KLHL29: variants seen among roughly 807,000 people sequenced by gnomAD.
The protein encoded by KLHL29 is kelch like family member 29, also known as kelch-like protein 29.
A neutral mutation model predicts 80.4 loss-of-function variants in KLHL29; 21 were observed. The observed-to-expected ratio is 0.26, with a 90% confidence interval of 0.19 to 0.38. The LOEUF (loss-of-function observed/expected upper bound fraction) is 0.38, where lower values mean the gene tolerates loss of function less well. KLHL29 is among the 10% of genes least tolerant of loss of function. KLHL29 has a pLI of 1.00. For missense variants in KLHL29, 867 were observed against 1,223.9 expected (o/e 0.71, Z 4.35); for synonymous variants, 511 against 526.8 (o/e 0.97, Z 0.41).
chr2:23,629,399 T>C (rs1307040149), intron 3 of KLHL29, among the ~76,000 whole-genome samples: 1 of 152,178 alleles, frequency 6.6e-6, no homozygotes, highest in Non-Finnish European at 1.5e-5. Flanking sequence ...GTGATCTTAT[T>C]TCAAAGCCCC....
chr2:23,535,402 G>C (rs1238661635), intron 2 of KLHL29, among the ~76,000 whole-genome samples: 1 of 152,254 alleles, frequency 6.6e-6, no homozygotes, highest in African/African-American at 2.4e-5. Context: ...CACAGGAGAA[G>C]AGAAGATTAA....
At chr2:23,649,803 G>C (rs754337107) in intron 5 of KLHL29, among the ~76,000 whole-genome samples, 1 of 152,226 alleles carries the variant, frequency 6.6e-6, no homozygotes, top group Non-Finnish European at 1.5e-5. Flanking sequence ...GTGCTGACCC[G>C]TGGCAGGAAG....
intron 5 of KLHL29, among the ~76,000 whole-genome samples, chr2:23,679,824 G>C (rs557017501): frequency 6.6e-6 from 1 of 152,200 alleles, no homozygotes; most frequent in Non-Finnish European, 1.5e-5. Context: ...AGAGGCCCAG[G>C]ACAAAATAAC....
intron 3 of KLHL29, among the ~76,000 whole-genome samples, chr2:23,636,894 C>G (rs1055479724): frequency 1.2e-4 from 18 of 152,160 alleles, no homozygotes; most frequent in Admixed American, 1.2e-3. Context: ...CTCCTGGAGG[C>G]AGGGGCTGCT....
chr2:23,684,438 C>T lies in KLHL29; in HGVS notation c.980C>T (p.Ala327Val), dbSNP rs749071317. Residue 327 changes from alanine to valine, a missense_variant, in exon 6 of 14, where the codon GCG (alanine) becomes GTG (valine). Physicochemically the swap from Ala to Val is moderately conservative, Grantham distance 64. Around this residue, in one of 2 missense-constraint regions of KLHL29, gnomAD observed 443 missense variants for 767.0 expected, o/e 0.58. Transcript: ENST00000486442. The surrounding 1 kb of genome is among the most constrained non-coding windows in gnomAD (Gnocchi z 4.4). Reference sequence around the variant, plus strand: ...TTGAACCAGCAACGCAGAGCGAAAGCGTTTACAGACCTGAAAATTGTTGTT... The same window carrying T: ...TTGAACCAGCAACGCAGAGCGAAAGTGTTTACAGACCTGAAAATTGTTGTT... ...KELNQQRRAK[A>V]FTDLKIVVEG... is the part of the protein sequence containing the mutation. 3.0e-5 allele frequency: 46 copies of T among 1,550,098 alleles called. No individual in the cohort carries two copies. In the Middle Eastern group the frequency reaches 5.0e-4, roughly 17 times the overall value.
intron 3 of KLHL29, among the ~76,000 whole-genome samples, chr2:23,629,657 G>A (rs1447517114): frequency 3.3e-5 from 5 of 152,226 alleles, no homozygotes; most frequent in African/African-American, 9.6e-5. Context: ...GTTGCTTTAT[G>A]TGTGCAAGGG....
intron 1 of KLHL29, among the ~76,000 whole-genome samples, chr2:23,462,897 G>A (rs973936179): frequency 1.3e-5 from 2 of 152,190 alleles, no homozygotes; most frequent in African/African-American, 4.8e-5. Context: ...CATTTTGGGA[G>A]GCCAAGGTGG....
chr2:23,637,294 G>C (rs966061752), intron 3 of KLHL29, among the ~76,000 whole-genome samples: 3 of 152,136 alleles, frequency 2.0e-5, no homozygotes, highest in African/African-American at 4.8e-5. Context: ...AGATCCTTCA[G>C]ACAGGGCACT....
At chr2:23,534,667 A>G (rs993296395) in intron 2 of KLHL29, among the ~76,000 whole-genome samples, 3 of 152,148 alleles carry the variant, frequency 2.0e-5, no homozygotes, top group Non-Finnish European at 2.9e-5. Context: ...AGCTCTGTGT[A>G]TGGCACAGAG....
chr2:23,447,475 C>G (rs1663732893), intron 1 of KLHL29, among the ~76,000 whole-genome samples: 1 of 152,198 alleles, frequency 6.6e-6, no homozygotes, highest in Non-Finnish European at 1.5e-5. Flanking sequence ...GCACCTTTCT[C>G]CTTGCCTGGG....
chr2:23,411,793 T>C (rs1666866781), intron 1 of KLHL29, among the ~76,000 whole-genome samples: 2 of 152,292 alleles, frequency 1.3e-5, no homozygotes, highest in Admixed American at 6.5e-5. Context: ...CCTCGGGCTC[T>C]TTTGGCAGAG....
intron 3 of KLHL29, among the ~76,000 whole-genome samples, chr2:23,614,178 C>T (rs2103531968): frequency 6.6e-6 from 1 of 152,294 alleles, no homozygotes; most frequent in South Asian, 2.1e-4. Flanking sequence ...GTTGTCCCAC[C>T]CCTTTCCAGG....
chr2:23,390,421 TACAGGC>T (rs1666289051), intron 1 of KLHL29, among the ~76,000 whole-genome samples: 1 of 152,204 alleles, frequency 6.6e-6, no homozygotes, highest in Non-Finnish European at 1.5e-5. Flanking sequence ...CTAGGCCATT[TACAGGC>T]TGCCATTGGC....
intron 2 of KLHL29, among the ~76,000 whole-genome samples, chr2:23,527,410 C>T (rs1355779903): frequency 6.6e-6 from 1 of 152,228 alleles, no homozygotes; most frequent in African/African-American, 2.4e-5. Flanking sequence ...AGCAAAAGCC[C>T]CGCCATGCTG....
intron 5 of KLHL29, among the ~76,000 whole-genome samples, chr2:23,651,390 C>G (rs1202747777): frequency 6.6e-6 from 1 of 152,064 alleles, no homozygotes; most frequent in Non-Finnish European, 1.5e-5. Context: ...CCTTGCCCTC[C>G]CCTCTTGCAA....
chr2:23,446,921 G>A (rs930524557), intron 1 of KLHL29, among the ~76,000 whole-genome samples: 6 of 152,160 alleles, frequency 3.9e-5, no homozygotes, highest in African/African-American at 1.4e-4. Context: ...TTTCAGGCTG[G>A]ATTTACTGCA....
intron 3 of KLHL29, among the ~76,000 whole-genome samples, chr2:23,575,671 G>A (rs192083392): frequency 9.1e-4 from 139 of 152,322 alleles, no homozygotes; most frequent in African/African-American, 3.0e-3. Context: ...TTTTTATGAT[G>A]CTGCTGGCAA....
rs528568911 is a variant in KLHL29 at position 23,596,443 on chromosome 2, G to A, written c.285+33962G>A. Among the ~76,000 whole-genome samples the A allele has an allele frequency of 2.6e-4, 39 of 152,210 alleles. 4 individuals carry two copies. The South Asian group carries it at 7.9e-3, about 31-fold the overall frequency. On this transcript the variant is annotated intron_variant, in intron 3 of 13. Transcript: ENST00000486442. This position sits in a 1 kb window ranked among gnomAD's most constrained non-coding sequence, Gnocchi z 4.4. The stretch of plus-strand genomic sequence containing the variant: ...AGAGGAAGGAACCCGTTTCATAAGC[G>A]CACTCACGTTGGAGCAGAACAGAGT...
Position 23,552,769 on chromosome 2 carries a change from T to TTC in KLHL29, c.-45-9382_-45-9381insCT, listed in dbSNP as rs559573630. Among the ~76,000 whole-genome samples, 128 of 138,186 alleles carry TTC rather than the reference T, an allele frequency of 9.3e-4. 7 individuals carry two copies. Among genetic ancestry groups the TTC allele is most frequent in the African/African-American group, 3.3e-3 (116 of 35,304 alleles). The allele number at this position is 138,186 out of a possible 152,430, so 90.7% of individuals were successfully genotyped here. ...TAGCTCTGGTTTCTTTTCTTTTTTT[T>TTC]TTTTTTTTTGAGATGGCGTCTCACT... On this transcript the variant is annotated intron_variant, in intron 2 of 13. Transcript: ENST00000486442.
Sources: allele counts gnomAD v4.1 joint callset (sites outside exome capture counted in the v4.1 genomes callset), GRCh38; gene constraint gnomAD v4.1.1; regional missense constraint gnomAD v4.1.1; non-coding constraint Gnocchi (gnomAD v3.1); transcripts MANE v1.5; gene names NCBI Gene and HGNC (gene_info 2026-07-23, HGNC 2026-07-21).